PRUNE2: variants seen among roughly 807,000 people sequenced by gnomAD.
The protein encoded by PRUNE2 is prune homolog 2 with BCH domain, also known as protein prune homolog 2.
A neutral mutation model predicts 252.0 loss-of-function variants in PRUNE2; 164 were observed. The observed-to-expected ratio is 0.65, with a 90% CI of 0.57 to 0.74. The LOEUF is 0.74. Among genes scored for constraint, PRUNE2 ranks in the 30% least tolerant of loss-of-function variants. PRUNE2 has a pLI of 0.00. For missense variants in PRUNE2, 3,495 were observed against 3,711.0 expected (o/e 0.94, Z 1.51); for synonymous variants, 1,292 against 1,350.2 (o/e 0.96, Z 0.94).
intron 6 of PRUNE2, among the ~76,000 whole-genome samples, chr9:76,724,303 C>CAAAAAAAA (rs796291956): frequency 1.4e-5 from 1 of 69,416 alleles, no homozygotes; most frequent in African/African-American, 5.5e-5. Context: ...GATAGAAATA[C>CAAAAAAAA]AAAAAAAAAA....
intron 2 of PRUNE2, among the ~76,000 whole-genome samples, chr9:76,851,719 C>T (rs967428901): frequency 8.5e-5 from 13 of 152,114 alleles, no homozygotes; most frequent in Admixed American, 2.6e-4. Flanking sequence ...ACTATCAGAT[C>T]GTGATCTCTA....
At chr9:76,665,535 C>G (rs1358018708) in intron 9 of PRUNE2, among the ~76,000 whole-genome samples, 1 of 152,186 alleles carries the variant, frequency 6.6e-6, no homozygotes, top group South Asian at 2.1e-4. Flanking sequence ...TGTCTGCCCC[C>G]ACTCCTCCCC....
intron 6 of PRUNE2, among the ~76,000 whole-genome samples, chr9:76,799,542 AGGATCATTT>A (rs2056392337): frequency 1.3e-5 from 2 of 152,124 alleles, no homozygotes; most frequent in African/African-American, 4.8e-5. Flanking sequence ...GGAAAGAGGC[AGGATCATTT>A]GTCCTAAGTT....
chr9:76,757,408 A>G (rs549028980), intron 6 of PRUNE2, among the ~76,000 whole-genome samples: 1 of 152,328 alleles, frequency 6.6e-6, no homozygotes, highest in African/African-American at 2.4e-5. Flanking sequence ...CTGCATTCTG[A>G]GTCATGTTAG....
chr9:76,829,548 T>A (rs1214014667), intron 4 of PRUNE2, among the ~76,000 whole-genome samples: 1 of 152,176 alleles, frequency 6.6e-6, no homozygotes, highest in East Asian at 1.9e-4. Context: ...TTAATTCGCA[T>A]ATTGTTTATA....
chr9:76,727,467 T>C lies in PRUNE2; in HGVS notation c.757-13746A>G, dbSNP rs144820076. Among the ~76,000 whole-genome samples, 16 of 152,294 alleles carry C rather than the reference T, an allele frequency of 1.1e-4. No homozygotes were observed. The East Asian group carries it at 2.5e-3, about 24-fold the overall frequency. On this transcript the variant is annotated intron_variant, in intron 6 of 18. Coordinates refer to ENST00000376718, the MANE Select transcript of PRUNE2 (RefSeq NM_015225.3). Reference sequence around the variant, plus strand: ...AGTAAAAATAACATCTTTCCATCAATTGTCTTTTAGTTTAGATTGCTGTGC... The same window carrying C: ...AGTAAAAATAACATCTTTCCATCAACTGTCTTTTAGTTTAGATTGCTGTGC...
chr9:76,662,638 T>G (rs2039324444), intron 9 of PRUNE2, among the ~76,000 whole-genome samples: 1 of 152,230 alleles, frequency 6.6e-6, no homozygotes. Flanking sequence ...TAATGTTTCC[T>G]GACAGACACG....
At chr9:76,794,732 C>G (rs12351446) in intron 6 of PRUNE2, among the ~76,000 whole-genome samples, 20,683 of 151,946 alleles carry the variant, frequency 0.14, 2,841 homozygotes, top group African/African-American at 0.35. Flanking sequence ...TGTCCGACCT[C>G]GAGCAAAGTT....
At chr9:76,728,371 T>C (rs1361091448) in intron 6 of PRUNE2, among the ~76,000 whole-genome samples, 1 of 152,006 alleles carries the variant, frequency 6.6e-6, no homozygotes, top group African/African-American at 2.4e-5. Context: ...AAAATACAAG[T>C]ACTCACAGCC....
At chr9:76,769,152 T>C (rs1487369580) in intron 6 of PRUNE2, among the ~76,000 whole-genome samples, 3 of 152,234 alleles carry the variant, frequency 2.0e-5, no homozygotes, top group African/African-American at 7.2e-5. Flanking sequence ...ATCTTATTGC[T>C]TTGCTTTTAA....
chr9:76,795,785 C>A (rs2056040750), intron 6 of PRUNE2, among the ~76,000 whole-genome samples: 2 of 152,082 alleles, frequency 1.3e-5, no homozygotes, highest in Admixed American at 6.5e-5. Flanking sequence ...TTAGTACATC[C>A]CATTAATTCA....
intron 6 of PRUNE2, among the ~76,000 whole-genome samples, chr9:76,760,916 T>C (rs946250073): frequency 1.3e-5 from 2 of 151,872 alleles, no homozygotes; most frequent in Admixed American, 1.3e-4. Flanking sequence ...CGAAACTCCA[T>C]CTCTATTAAA....
chr9:76,629,396 G>A, intron 15 of PRUNE2, 106 bp from the exon 16 acceptor site: 1 of 576,348 alleles, frequency 1.7e-6, no homozygotes. Flanking sequence ...CCTTGCCACA[G>A]CACTCTTACT....
At chr9:76,684,720 TG>T (rs1246173611) in intron 9 of PRUNE2, among the ~76,000 whole-genome samples, 5 of 152,170 alleles carry the variant, frequency 3.3e-5, no homozygotes, top group Non-Finnish European at 5.9e-5. Context: ...TCTACCCTGG[TG>T]GGGGTCAATG....
intron 6 of PRUNE2, among the ~76,000 whole-genome samples, chr9:76,719,533 C>A (rs183692680): frequency 1.1e-4 from 17 of 152,042 alleles, no homozygotes; most frequent in Non-Finnish European, 1.9e-4. Context: ...CATCTGTAAT[C>A]CTAGCACTTT....
chr9:76,705,778 T>C lies in PRUNE2; in HGVS notation c.6496A>G (p.Thr2166Ala). The C allele has an allele frequency of 6.2e-7, 1 of 1,613,884 alleles. No homozygotes were observed. ...TGATAGCCAATTGGAGGCAGCACAG[T>C]TGCGTTTTCAGAATCGAGTTCTGCA... is the stretch of plus-strand genomic sequence containing the variant. Reference protein sequence around the residue: ...SNAELDSENATVLPPIGYQAD... With the variant: ...SNAELDSENAAVLPPIGYQAD... The change falls in exon 8 of 19, where the codon ACT (threonine) becomes GCT (alanine). Residue 2166 changes from threonine (T) to alanine (A), a missense_variant. By Grantham distance (58) the Thr-to-Ala change is moderately conservative. Transcript: ENST00000376718.
At position 76,624,446 on chromosome 9, in the gene PRUNE2, T is replaced by G; in HGVS notation, c.9188+6A>C. On this transcript the variant is annotated splice_donor_region_variant and intron_variant, in intron 17 of 18. Transcript: ENST00000376718. ...TGCCAGCCGCTAAACGAAAACCAAG[T>G]CTTACTTAGCTGCCTCTGATGCTTC... The G allele has an allele frequency of 7.0e-7, 1 of 1,418,550 alleles. No homozygotes were observed. The highest frequency in any genetic ancestry group is 9.3e-7 in the Non-Finnish European group (1 of 1,079,814). 87.9% of individuals were successfully genotyped at this position (1,418,550 alleles called of 1,614,324 possible).
chr9:76,898,824 T>G (rs951370213), intron 1 of PRUNE2, among the ~76,000 whole-genome samples: 2 of 152,130 alleles, frequency 1.3e-5, no homozygotes, highest in African/African-American at 4.8e-5. Flanking sequence ...CATCATCAGT[T>G]CAAAAAGACT....
At chr9:76,882,249 G>A (rs1240073807) in intron 1 of PRUNE2, among the ~76,000 whole-genome samples, 2 of 152,180 alleles carry the variant, frequency 1.3e-5, no homozygotes, top group Non-Finnish European at 1.5e-5. Flanking sequence ...AAAAAATTAT[G>A]AGGCAACTCC....
Sources: allele counts gnomAD v4.1 joint callset (sites outside exome capture counted in the v4.1 genomes callset), GRCh38; gene constraint gnomAD v4.1.1; transcripts MANE v1.5; gene names NCBI Gene and HGNC (gene_info 2026-07-23, HGNC 2026-07-21).